The following KASH5 variants were observed in gnomAD, a reference collection of about 807,000 sequenced individuals.
KASH5 encodes the protein protein KASH5.
KASH5 carries 72 observed loss-of-function variants against 84.2 expected under a neutral mutation model. The observed-to-expected ratio is 0.85, with a 90% CI of 0.71 to 1.04. The LOEUF (loss-of-function observed/expected upper bound fraction) is 1.04, where lower values mean the gene tolerates loss of function less well. Ranked by LOEUF, KASH5 falls within the 50% of genes least tolerant of loss-of-function variation. The probability of loss-of-function intolerance (pLI) is 0.00; values close to 1 mark genes in which losing one functional copy is unlikely to be tolerated. For missense variants in KASH5, 650 were observed against 701.0 expected, an observed-to-expected ratio of 0.93 and a Z score of 0.82; for synonymous variants, 260 against 279.1, an observed-to-expected ratio of 0.93 and a Z score of 0.68.
chr19:49,400,491 A>G (rs1305336145), intron 9 of KASH5, among the ~76,000 whole-genome samples: 2 of 151,326 alleles, frequency 1.3e-5, no homozygotes, highest in Admixed American at 1.3e-4. Context: ...CAGCCTCCCA[A>G]GTAGCTGGGA....
chr19:49,403,842 T>G (rs1974442982), intron 9 of KASH5, among the ~76,000 whole-genome samples: 1 of 152,184 alleles, frequency 6.6e-6, no homozygotes, highest in South Asian at 2.1e-4. Flanking sequence ...CTGGAGCTAT[T>G]CTTGGTTCCC....
Position 49,417,731 on chromosome 19 carries a change from A to C in KASH5, c.*221A>C. On this transcript the variant is annotated 3_prime_UTR_variant, in exon 20 of 20. Coordinates refer to ENST00000447857, the MANE Select transcript of KASH5 (RefSeq NM_144688.5). The surrounding 1 kb of genome is among the most constrained non-coding windows in gnomAD (Gnocchi z 5.2). ...CCCAGTAATGGATTAAGCACTAAGGATTATTCCCTCACAAAACAAGCCTGG... is the reference window on the plus strand; with the variant it reads ...CCCAGTAATGGATTAAGCACTAAGGCTTATTCCCTCACAAAACAAGCCTGG... 1 of 544,470 alleles carries C rather than the reference A, an allele frequency of 1.8e-6. No individual in the cohort carries two copies. The highest frequency in any genetic ancestry group is 2.9e-6 in the Non-Finnish European group (1 of 349,102). 33.7% of individuals were successfully genotyped at this position (544,470 alleles called of 1,614,324 possible). A position where few individuals can be genotyped will look rare whatever the true frequency, so the allele number is the denominator to read the frequency against.
chr19:49,397,653 T>A lies in KASH5; in HGVS notation c.403T>A (p.Cys135Ser). Residue 135 changes from cysteine (C) to serine (S), a missense_variant and splice_region_variant, in exon 6 of 20, where the codon TGC becomes AGC. By Grantham distance (112) the Cys-to-Ser change is moderately radical (BLOSUM62 -1). Coordinates refer to ENST00000447857, the MANE Select transcript of KASH5 (RefSeq NM_144688.5). ...TTCTCTTGGCTCTCTCCCTCCAGGA[T>A]GCCCAGAAGCTGAGGAGCCAGCCAA... Reference protein sequence around the residue: ...ALTSRQLPSGCPEAEEPANLE... With the variant: ...ALTSRQLPSGSPEAEEPANLE... 1 of 1,613,906 alleles carries A rather than the reference T, an allele frequency of 6.2e-7. No individual in the cohort carries two copies. Among genetic ancestry groups the A allele is most frequent in the Admixed American group, 1.7e-5 (1 of 60,014 alleles).
In KASH5 at chr19:49,417,389, TC is replaced by T; in HGVS notation, c.1571del (p.Pro524GlnfsTer75). 1.3e-6 allele frequency: 2 copies of T among 1,554,156 alleles called. No homozygotes were observed. Among genetic ancestry groups the T allele is most frequent in the Non-Finnish European group, 1.7e-6 (2 of 1,148,404 alleles). On this transcript the variant is annotated frameshift_variant, in exon 20 of 20. Coordinates refer to ENST00000447857, the MANE Select transcript of KASH5 (RefSeq NM_144688.5). LOFTEE classifies it high-confidence loss of function. This position sits in a 1 kb window ranked among gnomAD's most constrained non-coding sequence, Gnocchi z 5.2. ...ACCAGAGTCACTCGACATCCACTGA[TC>T]CCAGCTCCTGTCCTGGGCCTGCTGC... ...QRLRVTRHPL[I>X]PAPVLGLLLL...
rs1568625090 is a variant in KASH5 at position 49,414,709 on chromosome 19, AGGCCCGTCCGTGCTGCCTG to A, written c.1329-240_1329-222del. Among the ~76,000 whole-genome samples, 283 of 150,292 alleles carry A rather than the reference AGGCCCGTCCGTGCTGCCTG, an allele frequency of 1.9e-3. 1 individual carries two copies. The highest frequency in any genetic ancestry group is 0.012 in the East Asian group (58 of 4,996). The stretch of plus-strand genomic sequence containing the variant: ...CCGTCCGTGCTGCCTGGCCTCCCCC[AGGCCCGTCCGTGCTGCCTG>A]GCCTCCCCCAGGCCCGTCCGTGCTG... On this transcript the variant is annotated intron_variant, in intron 16 of 19. Coordinates refer to ENST00000447857, the MANE Select transcript of KASH5 (RefSeq NM_144688.5). The surrounding 1 kb of genome is among the most constrained non-coding windows in gnomAD (Gnocchi z 4.5).
At position 49,395,633 on chromosome 19, in the gene KASH5, C is replaced by A. The variant is rs974732275; in HGVS notation, c.336-136C>A. On this transcript the variant is annotated intron_variant, in intron 4 of 19. Coordinates refer to ENST00000447857, the MANE Select transcript of KASH5 (RefSeq NM_144688.5). This position sits in a 1 kb window ranked among gnomAD's most constrained non-coding sequence, Gnocchi z 4.4. ...CTGGCCACGGGCACTTGCCATCTGG[C>A]CTCACCCTCCTACCCTGTGGTGCCA... 1.8e-5 allele frequency: 15 copies of A among 845,884 alleles called. No homozygotes were observed. The highest frequency in any genetic ancestry group is 6.9e-4 in the Middle Eastern group (2 of 2,890). The allele number at this position is 845,884 out of a possible 1,614,324, so 52.4% of individuals were successfully genotyped here.
intron 9 of KASH5, among the ~76,000 whole-genome samples, chr19:49,406,064 A>T (rs1021076203): frequency 4.0e-5 from 6 of 148,732 alleles, no homozygotes; most frequent in Non-Finnish European, 7.4e-5. Context: ...GAAGGCAAAG[A>T]TTGCAGTGAA....
chr19:49,403,464 C>T (rs550906781), intron 9 of KASH5, among the ~76,000 whole-genome samples: 4 of 152,196 alleles, frequency 2.6e-5, no homozygotes, highest in South Asian at 4.1e-4. Flanking sequence ...GCAGCTCTTA[C>T]ATCTCACTGG....
intron 2 of KASH5, among the ~76,000 whole-genome samples, chr19:49,394,082 G>T (rs1422653255): frequency 2.6e-5 from 4 of 152,112 alleles, no homozygotes; most frequent in Non-Finnish European, 5.9e-5. Flanking sequence ...ATTGTTCCTG[G>T]CTCCTGGGCC....
At chr19:49,415,083 C>G (rs1974859545) in intron 17 of KASH5, 87 bp downstream of exon 17, 2 of 1,262,914 alleles carry the variant, frequency 1.6e-6, no homozygotes, top group Admixed American at 2.0e-5. Flanking sequence ...CAAGCCCCAG[C>G]CTCACACTCC....
Position 49,397,655 on chromosome 19 carries a change from C to G in KASH5, c.405C>G (p.Cys135Trp), listed in dbSNP as rs1264817252. The change falls in exon 6 of 20, where the codon TGC (cysteine) becomes TGG (tryptophan). Residue 135 changes from cysteine (C) to tryptophan (W), a missense_variant. Cys to Trp is a radical substitution (Grantham distance 215). Transcript: ENST00000447857. ...ALTSRQLPSG[C>W]PEAEEPANLE... The stretch of plus-strand genomic sequence containing the variant: ...CTCTTGGCTCTCTCCCTCCAGGATG[C>G]CCAGAAGCTGAGGAGCCAGCCAACC... 1 of 1,613,850 alleles carries G rather than the reference C, an allele frequency of 6.2e-7. No homozygotes were observed. Among genetic ancestry groups the G allele is most frequent in the Non-Finnish European group, 8.5e-7 (1 of 1,179,812 alleles).
In KASH5 at chr19:49,390,796, C is replaced by T. The variant is rs58650137; in HGVS notation, c.-88C>T. 7,547 of 1,429,576 alleles carry T rather than the reference C, an allele frequency of 5.3e-3. 326 individuals carry two copies. In the African/African-American group the frequency reaches 0.092, roughly 17 times the overall value. The allele number at this position is 1,429,576 out of a possible 1,614,324, so 88.6% of individuals were successfully genotyped here. A position where few individuals can be genotyped will look rare whatever the true frequency, so the allele number is the denominator to read the frequency against. ...TCCTGCTTCTCCTTCCAGGAGTGCT[C>T]GGGCCAGCTGGTCCTTTTCCCATCC... On this transcript the variant is annotated 5_prime_UTR_variant, in exon 2 of 20. Coordinates refer to ENST00000447857, the MANE Select transcript of KASH5 (RefSeq NM_144688.5).
At chr19:49,410,334 G>A (rs1421122075) in intron 15 of KASH5, among the ~76,000 whole-genome samples, 2 of 151,850 alleles carry the variant, frequency 1.3e-5, no homozygotes, top group Non-Finnish European at 2.9e-5. Context: ...GGTTTTTTTT[G>A]TTTTTTGTTT....
At position 49,417,080 on chromosome 19, in the gene KASH5, G is replaced by A; in HGVS notation, c.1439+1G>A. ...ACATCCCAGAAAACCCTCCAGAGAG[G>A]TAATAGGACCCACAGGGTCCAGGAG... On this transcript the variant is annotated splice_donor_variant, in intron 18 of 19. Coordinates refer to ENST00000447857, the MANE Select transcript of KASH5 (RefSeq NM_144688.5). LOFTEE classifies it high-confidence loss of function. The surrounding 1 kb of genome is among the most constrained non-coding windows in gnomAD (Gnocchi z 5.2). The A allele has an allele frequency of 1.9e-6, 3 of 1,599,968 alleles. No homozygotes were observed. The highest frequency in any genetic ancestry group is 2.6e-6 in the Non-Finnish European group (3 of 1,173,634).
intron 14 of KASH5, 61 bp downstream of exon 14, chr19:49,409,344 C>A: frequency 6.5e-7 from 1 of 1,527,052 alleles, no homozygotes; most frequent in Admixed American, 1.8e-5. Flanking sequence ...CAAACATCTC[C>A]CTACTCTGAT....
chr19:49,417,039 G>A lies in KASH5; in HGVS notation c.1399G>A (p.Ala467Thr). ...GGCTGATCTCCCTGTCCCTCTAGGA[G>A]CCCCTCGCCCTGGAGACATCCCAGA... The part of the protein sequence containing the change: ...VTADLPVPLG[A>T]PRPGDIPENP... Residue 467 changes from alanine to threonine, a missense_variant, in exon 18 of 20, where the codon GCC becomes ACC. Physicochemically the swap from Ala to Thr is moderately conservative, Grantham distance 58. Coordinates refer to ENST00000447857, the MANE Select transcript of KASH5 (RefSeq NM_144688.5). This position sits in a 1 kb window ranked among gnomAD's most constrained non-coding sequence, Gnocchi z 5.2. 6.3e-7 allele frequency: 1 copy of A among 1,593,478 alleles called. No homozygotes were observed. Among genetic ancestry groups the A allele is most frequent in the Non-Finnish European group, 8.5e-7 (1 of 1,170,564 alleles).
At chr19:49,405,551 T>C in intron 9 of KASH5, among the ~76,000 whole-genome samples, 1 of 151,698 alleles carries the variant, frequency 6.6e-6, no homozygotes, top group East Asian at 1.9e-4. Context: ...ATGATAGTGG[T>C]ATTGTGGTTT....
rs1401575893 is a variant in KASH5, at chr19:49,395,073, C to T, written c.149-33C>T. On this transcript the variant is annotated intron_variant, in intron 3 of 19. Transcript: ENST00000447857. This position sits in a 1 kb window ranked among gnomAD's most constrained non-coding sequence, Gnocchi z 4.4. ...GTCCATACCCATCACTCCCCACCTG[C>T]CCCAGACCCCCTCACTGCATGCTCT... The T allele has an allele frequency of 1.3e-6, 2 of 1,559,924 alleles. No individual in the cohort carries two copies. The highest frequency in any genetic ancestry group is 2.3e-5 in the East Asian group (1 of 43,972).
chr19:49,405,101 G>A (rs1026225471), intron 9 of KASH5, among the ~76,000 whole-genome samples: 2 of 152,124 alleles, frequency 1.3e-5, no homozygotes, highest in Non-Finnish European at 2.9e-5. Flanking sequence ...AAGCAATGAT[G>A]GACCTTGTTT....
Sources: allele counts gnomAD v4.1 joint callset (sites outside exome capture counted in the v4.1 genomes callset), GRCh38; gene constraint gnomAD v4.1.1; non-coding constraint Gnocchi (gnomAD v3.1); transcripts MANE v1.5; gene names NCBI Gene and HGNC (gene_info 2026-07-23, HGNC 2026-07-21).